Variants in SND1 observed in about 807,000 individuals in gnomAD.
SND1 encodes the protein staphylococcal nuclease domain-containing protein 1.
Under a neutral mutation model 121.7 loss-of-function variants are expected in SND1, and 38 were observed. The ratio of observed to expected loss-of-function variants is 0.31; its 90% CI spans 0.24 to 0.41. The LOEUF (loss-of-function observed/expected upper bound fraction) is 0.41, where lower values mean the gene tolerates loss of function less well. SND1 is among the 10% of genes least tolerant of loss of function. The probability of loss-of-function intolerance (pLI) is 1.00; values close to 1 mark genes in which losing one functional copy is unlikely to be tolerated. For synonymous variants in SND1, 401 were observed against 447.4 expected (o/e 0.90, Z 1.31); for missense variants, 868 against 1,184.6 (o/e 0.73, Z 3.92).
At chr7:127,830,208 C>A (rs1284539050) in intron 11 of SND1, among the ~76,000 whole-genome samples, 2 of 152,052 alleles carry the variant, frequency 1.3e-5, no homozygotes, top group African/African-American at 4.8e-5. Flanking sequence ...CAAGGTGAAA[C>A]CCCATCTCTA....
Position 127,694,901 on chromosome 7 carries a change from A to G in SND1, c.302A>G (p.Asn101Ser), listed in dbSNP as rs11553721. Residue 101 changes from asparagine (N) to serine (S), a missense_variant, in exon 3 of 24, where the codon AAC (asparagine) becomes AGC (serine). Coordinates refer to ENST00000354725, the MANE Select transcript of SND1 (RefSeq NM_014390.4). ...IGKEVCFTIE[N>S]KTPQGREYGM... is the part of the protein sequence containing the mutation. ...AAGGAAGTCTGTTTCACGATAGAAA[A>G]CAAGACTCCCCAGGGGCGAGAGTAT... is the stretch of plus-strand genomic sequence containing the variant. 3.1e-6 allele frequency: 5 copies of G among 1,613,822 alleles called. No individual in the cohort carries two copies. The African/African-American group carries it at 6.7e-5, about 22-fold the overall frequency.
intron 14 of SND1, among the ~76,000 whole-genome samples, chr7:127,928,537 G>A (rs1242764567): frequency 6.8e-6 from 1 of 147,402 alleles, no homozygotes; most frequent in Non-Finnish European, 1.5e-5. Flanking sequence ...GAATATTAAA[G>A]GTTAAATGGA....
At chr7:127,840,332 C>T (rs183392361) in intron 11 of SND1, among the ~76,000 whole-genome samples, 62 of 152,312 alleles carry the variant, frequency 4.1e-4, no homozygotes, top group African/African-American at 1.3e-3. Context: ...AAAGATGTTA[C>T]GTGCCTCATT....
chr7:128,030,516 C>T (rs1207227653), intron 16 of SND1: 1 of 1,613,260 alleles, frequency 6.2e-7, no homozygotes, highest in Non-Finnish European at 8.5e-7. Context: ...GTTCTGGGGC[C>T]CGGCTGAGGC....
chr7:127,947,258 G>C (rs1256581002), intron 15 of SND1, among the ~76,000 whole-genome samples: 1 of 152,154 alleles, frequency 6.6e-6, no homozygotes, highest in African/African-American at 2.4e-5. Flanking sequence ...TTTAAGTAAT[G>C]TAGTTTACAG....
intron 14 of SND1, among the ~76,000 whole-genome samples, chr7:127,921,633 T>A (rs942875771): frequency 6.6e-6 from 1 of 152,166 alleles, no homozygotes; most frequent in African/African-American, 2.4e-5. Flanking sequence ...ATTCTGTGAG[T>A]TTTGGCAAAT....
chr7:127,772,098 A>G (rs1797522182), intron 10 of SND1, among the ~76,000 whole-genome samples: 1 of 152,202 alleles, frequency 6.6e-6, no homozygotes, highest in African/African-American at 2.4e-5. Flanking sequence ...GCAGAGGGGC[A>G]TTAGAGGTGG....
chr7:128,038,530 C>T (rs1792793246), intron 16 of SND1, among the ~76,000 whole-genome samples: 1 of 152,156 alleles, frequency 6.6e-6, no homozygotes, highest in African/African-American at 2.4e-5. Context: ...ATACGGAAAC[C>T]GGTATAGAAG....
chr7:127,826,904 C>T (rs1798653083), intron 11 of SND1, among the ~76,000 whole-genome samples: 1 of 152,166 alleles, frequency 6.6e-6, no homozygotes, highest in African/African-American at 2.4e-5. Flanking sequence ...TTAGCCATCT[C>T]CCTGTGTCAT....
At chr7:127,686,797 A>G (rs1233555947) in intron 2 of SND1, 35 bp downstream of exon 2, 2 of 1,596,164 alleles carry the variant, frequency 1.3e-6, no homozygotes, top group Admixed American at 3.4e-5. Flanking sequence ...GAGCCTGTGG[A>G]CCTAGGTAAT....
chr7:127,765,814 C>A (rs2116486515), intron 10 of SND1, among the ~76,000 whole-genome samples: 1 of 152,288 alleles, frequency 6.6e-6, no homozygotes, highest in East Asian at 1.9e-4. Context: ...GTTTGCAGCA[C>A]TCCCACACCT....
At chr7:127,837,651 G>C (rs1250870037) in intron 11 of SND1, among the ~76,000 whole-genome samples, 1 of 152,208 alleles carries the variant, frequency 6.6e-6, no homozygotes, top group Admixed American at 6.5e-5. Context: ...TTAGCAATTT[G>C]TTTTGAAGCT....
At chr7:127,782,999 T>G (rs574362017) in intron 10 of SND1, among the ~76,000 whole-genome samples, 2 of 152,344 alleles carry the variant, frequency 1.3e-5, no homozygotes, top group East Asian at 3.9e-4. Context: ...CCTCTTTAAT[T>G]CAGCAAACAT....
At chr7:127,707,465 A>G (rs1005792185) in intron 8 of SND1, 92 bp from the exon 9 acceptor site, 2 of 898,632 alleles carry the variant, frequency 2.2e-6, no homozygotes, top group African/African-American at 3.3e-5. Context: ...TCTATAGGGT[A>G]GAGTAGGATG....
Position 127,698,869 on chromosome 7 carries a change from C to T in SND1, c.350-6C>T, listed in dbSNP as rs1429404967. The T allele has an allele frequency of 1.9e-6, 3 of 1,613,392 alleles. No homozygotes were observed. The highest frequency in any genetic ancestry group is 1.7e-5 in the Admixed American group (1 of 59,986). ...TTGTTTTTAAATCCCCCCTTTTCCT[C>T]CTCAGATACCAATGGGGAAAACATT... On this transcript the variant is annotated splice_polypyrimidine_tract_variant and splice_region_variant and intron_variant, in intron 3 of 23. Coordinates refer to ENST00000354725, the MANE Select transcript of SND1 (RefSeq NM_014390.4).
intron 13 of SND1, among the ~76,000 whole-genome samples, chr7:127,899,381 G>A (rs930649957): frequency 3.9e-5 from 6 of 152,150 alleles, no homozygotes; most frequent in African/African-American, 1.4e-4. Flanking sequence ...CGATTGTAGT[G>A]AGGTTGTGGC....
intron 1 of SND1, among the ~76,000 whole-genome samples, chr7:127,664,460 G>A (rs557384176): frequency 2.6e-5 from 4 of 152,316 alleles, no homozygotes; most frequent in African/African-American, 7.2e-5. Flanking sequence ...GGGGAAAATG[G>A]GGAGGTGCTG....
At chr7:127,812,935 AT>A (rs960829565) in intron 11 of SND1, among the ~76,000 whole-genome samples, 2 of 152,132 alleles carry the variant, frequency 1.3e-5, no homozygotes, top group Admixed American at 6.5e-5. Context: ...TCATCTCCAC[AT>A]TTTTCACCTC....
rs1792502221 is a variant in SND1, at chr7:128,029,289, T to C, written c.1779+38233T>C. On this transcript the variant is annotated intron_variant, in intron 16 of 23. Coordinates refer to ENST00000354725, the MANE Select transcript of SND1 (RefSeq NM_014390.4). The surrounding 1 kb of genome is among the most constrained non-coding windows in gnomAD (Gnocchi z 4.2). ...CACTGTTACTGTGGTGAAGAAGCTG[T>C]AGTTGGAGGTGTTAAGCTCAGCCGT... 1.9e-6 allele frequency: 3 copies of C among 1,613,976 alleles called. No homozygotes were observed. The highest frequency in any genetic ancestry group is 2.5e-6 in the Non-Finnish European group (3 of 1,180,016).
Sources: allele counts gnomAD v4.1 joint callset (sites outside exome capture counted in the v4.1 genomes callset), GRCh38; gene constraint gnomAD v4.1.1; non-coding constraint Gnocchi (gnomAD v3.1); transcripts MANE v1.5; gene names NCBI Gene and HGNC (gene_info 2026-07-23, HGNC 2026-07-21).